Variants in AVEN observed in about 807,000 individuals in gnomAD.
The protein encoded by AVEN is cell death regulator Aven.
In AVEN, 41 loss-of-function variants were observed where a neutral mutation model predicts 38.1. That is an observed-to-expected ratio of 1.08 (90% confidence interval 0.84 to 1.40). The LOEUF (loss-of-function observed/expected upper bound fraction) is 1.40. Among genes scored for constraint, AVEN ranks in the 40% most tolerant of loss-of-function variants. The pLI, the probability that AVEN is intolerant of heterozygous loss-of-function variation, is 0.00. For missense variants in AVEN, 605 were observed against 438.8 expected (o/e 1.38, Z -3.38); for synonymous variants, 206 against 171.8 (o/e 1.20, Z -1.56).
rs34223352 is a variant in AVEN, at chr15:33,873,094, C to CTTTTTTTT, written c.517-2072_517-2065dup. On this transcript the variant is annotated intron_variant, in intron 3 of 5. Coordinates refer to ENST00000306730, the MANE Select transcript of AVEN (RefSeq NM_020371.3). ...AAAACATATTTCTACTTTTCCTTTT[C>CTTTTTTTT]TTTTTTTTTTTTTTTTTTTTTTTTT... is the stretch of plus-strand genomic sequence containing the variant. Among the ~76,000 whole-genome samples the CTTTTTTTT allele has an allele frequency of 3.2e-3, 269 of 85,132 alleles. 6 individuals are homozygous for CTTTTTTTT. The highest frequency in any genetic ancestry group is 0.011 in the East Asian group (26 of 2,420). 55.8% of individuals were successfully genotyped at this position (85,132 alleles called of 152,430 possible).
intron 2 of AVEN, among the ~76,000 whole-genome samples, chr15:33,877,109 TA>T (rs1347075521): frequency 2.6e-5 from 4 of 152,074 alleles, no homozygotes; most frequent in African/African-American, 9.7e-5. Context: ...TAAGAAGAAA[TA>T]AAGCAGTTTT....
chr15:33,987,632 A>C (rs1463468287), intron 2 of AVEN, among the ~76,000 whole-genome samples: 1 of 152,204 alleles, frequency 6.6e-6, no homozygotes, highest in Non-Finnish European at 1.5e-5. Context: ...CACTGAGGTC[A>C]AGGCTGCTGC....
chr15:33,854,488 A>G, downstream of AVEN: 1 of 1,495,304 alleles, frequency 6.7e-7, no homozygotes, highest in Non-Finnish European at 9.0e-7. Flanking sequence ...TCTATACCCC[A>G]GTTCAGGGAT....
At chr15:33,864,882 G>A (rs2153028566), downstream of AVEN, 2 of 455,612 alleles carry the variant, frequency 4.4e-6, no homozygotes, top group Admixed American at 3.8e-5. Context: ...AACATTGATT[G>A]GTTTCAGTTT....
intron 2 of AVEN, among the ~76,000 whole-genome samples, chr15:33,899,917 A>T (rs1892418214): frequency 6.7e-6 from 1 of 150,296 alleles, no homozygotes; most frequent in Non-Finnish European, 1.5e-5. Context: ...AAAGCTAAGG[A>T]TCCTCAAATC....
At chr15:33,864,217 G>C, downstream of AVEN, 10 of 1,570,040 alleles carry the variant, frequency 6.4e-6, no homozygotes, top group Non-Finnish European at 8.7e-6. Context: ...ATATACCCGT[G>C]TTAGATCTCC....
At chr15:34,011,575 T>C (rs778262766) in intron 1 of AVEN, among the ~76,000 whole-genome samples, 2 of 152,156 alleles carry the variant, frequency 1.3e-5, no homozygotes, top group Non-Finnish European at 2.9e-5. Context: ...AAGAAGTATA[T>C]ACAGCTGTCC....
In AVEN at chr15:33,937,932, C is replaced by CAA. The variant is rs55887919; in HGVS notation, c.446-61939_446-61938dup. 9.0e-4 allele frequency among the ~76,000 whole-genome samples: 91 copies of CAA among 100,840 alleles called. 1 individual carries two copies. Among genetic ancestry groups the CAA allele is most frequent in the Non-Finnish European group, 1.2e-3 (60 of 48,174 alleles). The allele number at this position is 100,840 out of a possible 152,430, so 66.2% of individuals were successfully genotyped here. A position where few individuals can be genotyped will look rare whatever the true frequency, so the allele number is the denominator to read the frequency against. ...GAACTAATACAAATCCCTACTTGAC[C>CAA]AAAAAAAAAAAAAAAAAAAAAAAAA... On this transcript the variant is annotated intron_variant, in intron 2 of 5. Coordinates refer to ENST00000306730, the MANE Select transcript of AVEN (RefSeq NM_020371.3).
intron 1 of AVEN, among the ~76,000 whole-genome samples, chr15:34,007,348 C>T (rs973903653): frequency 6.6e-6 from 1 of 152,064 alleles, no homozygotes; most frequent in African/African-American, 2.4e-5. Flanking sequence ...ATGATAACTC[C>T]ATGTCATTCT....
At chr15:33,905,857 C>G (rs942286690) in intron 2 of AVEN, among the ~76,000 whole-genome samples, 9 of 151,820 alleles carry the variant, frequency 5.9e-5, no homozygotes, top group Non-Finnish European at 1.2e-4. Context: ...AAAATTCACT[C>G]CCAGACACCC....
At chr15:33,962,503 T>C (rs1430071337) in intron 2 of AVEN, among the ~76,000 whole-genome samples, 1 of 152,200 alleles carries the variant, frequency 6.6e-6, no homozygotes, top group Non-Finnish European at 1.5e-5. Flanking sequence ...CCTCTGTATA[T>C]TCCTGTAATC....
chr15:34,061,954 G>C (rs1353267866), intron 5 of AVEN, among the ~76,000 whole-genome samples: 2 of 152,126 alleles, frequency 1.3e-5, no homozygotes, highest in African/African-American at 4.8e-5. Flanking sequence ...TTATCACCAG[G>C]ATCTTAAAAA....
chr15:34,046,343 G>GAAAAA (rs56286203), intron 5 of AVEN, among the ~76,000 whole-genome samples: 1 of 141,430 alleles, frequency 7.1e-6, no homozygotes, highest in Non-Finnish European at 1.5e-5. Context: ...AGTGAGGCAG[G>GAAAAA]AAAAAAAAAA....
chr15:33,854,515 C>G (rs947204784), downstream of AVEN: 5 of 1,343,488 alleles, frequency 3.7e-6, no homozygotes, highest in African/African-American at 5.9e-5. Context: ...GAGAAGCAAG[C>G]TATGCAGGAT....
chr15:33,854,912 G>C, downstream of AVEN: 1 of 1,608,718 alleles, frequency 6.2e-7, no homozygotes, highest in Non-Finnish European at 8.5e-7. Context: ...ATGGCAAACA[G>C]GTATGGTTTC....
At chr15:33,975,237 C>G (rs186640255) in intron 2 of AVEN, among the ~76,000 whole-genome samples, 2 of 152,156 alleles carry the variant, frequency 1.3e-5, no homozygotes, top group Admixed American at 6.5e-5. Flanking sequence ...AGAGGATTCA[C>G]AAAGATATTC....
chr15:34,038,668 C>CGCCGG, intron 1 of AVEN, 112 bp downstream of exon 1: 3 of 925,962 alleles, frequency 3.2e-6, no homozygotes, highest in Non-Finnish European at 4.0e-6. Context: ...GCCGGCGCCG[C>CGCCGG]CGCCCGTCTG....
intron 2 of AVEN, among the ~76,000 whole-genome samples, chr15:33,971,584 A>C (rs1220495299): frequency 6.6e-6 from 1 of 152,114 alleles, no homozygotes; most frequent in African/African-American, 2.4e-5. Flanking sequence ...ATATAAAATT[A>C]GAAACATACC....
rs2153033347 is a variant in AVEN at position 33,867,605 on chromosome 15, A to T, written c.863T>A (p.Leu288Gln). Residue 288 changes from leucine to glutamine, a missense_variant, in exon 5 of 6, where the codon CTG (leucine) becomes CAG (glutamine). By Grantham distance (113) the Leu-to-Gln change is moderately radical. Transcript: ENST00000306730. ...AGDHLEEELD[L>Q]LLNLDAPIKE... ...TATAGGTGCATCTAAATTAAGCAAC[A>T]GATCTAGTTCTTCTTCCAAATGGTC... The T allele has an allele frequency of 6.2e-7, 1 of 1,614,238 alleles. No individual in the cohort carries two copies. Among genetic ancestry groups the T allele is most frequent in the Middle Eastern group, 1.6e-4 (1 of 6,062 alleles).
Sources: gnomAD v4.1 joint callset for allele counts (sites outside exome capture counted in the v4.1 genomes callset) on GRCh38, gnomAD v4.1.1 for gene constraint, MANE v1.5 for transcripts, NCBI Gene and HGNC (gene_info 2026-07-23, HGNC 2026-07-21) for gene names.